The following SH3RF3 variants were observed in gnomAD, a reference collection of about 807,000 sequenced individuals.
The protein encoded by SH3RF3 is SH3 domain containing ring finger 3.
Under a neutral mutation model 66.3 loss-of-function variants are expected in SH3RF3, and 29 were observed. That is an observed-to-expected ratio of 0.44 (90% CI 0.33 to 0.60). The LOEUF (loss-of-function observed/expected upper bound fraction) is 0.60. SH3RF3 is among the 20% of genes least tolerant of loss of function. SH3RF3 has a pLI of 0.04. For synonymous variants in SH3RF3, 583 were observed against 532.0 expected (o/e 1.10, Z -1.32); for missense variants, 1,194 against 1,190.9 (o/e 1.00, Z -0.04).
chr2:109,298,094 C>T (rs962392044), intron 1 of SH3RF3, among the ~76,000 whole-genome samples: 1 of 152,194 alleles, frequency 6.6e-6, no homozygotes, highest in Non-Finnish European at 1.5e-5. Context: ...CCCACTCAAA[C>T]CTGCTTCTCA....
At chr2:109,202,437 T>G (rs1297604728) in intron 1 of SH3RF3, among the ~76,000 whole-genome samples, 1 of 152,256 alleles carries the variant, frequency 6.6e-6, no homozygotes, top group African/African-American at 2.4e-5. Context: ...AATTACTAAA[T>G]GTAGTACAAT....
intron 1 of SH3RF3, among the ~76,000 whole-genome samples, chr2:109,216,204 C>G (rs938698120): frequency 2.6e-5 from 4 of 152,202 alleles, no homozygotes; most frequent in Admixed American, 1.3e-4. Context: ...ACCTGCCCAT[C>G]ATTGCATCTA....
At chr2:109,311,569 G>A (rs949640723) in intron 1 of SH3RF3, among the ~76,000 whole-genome samples, 6 of 152,154 alleles carry the variant, frequency 3.9e-5, no homozygotes, top group African/African-American at 7.2e-5. Flanking sequence ...GTTTGCAGAC[G>A]ACATGATTGT....
chr2:109,398,735 G>A lies in SH3RF3; in HGVS notation c.1091G>A (p.Ser364Asn), dbSNP rs771293090. The change falls in exon 4 of 10, where the codon AGT becomes AAT. Residue 364 changes from serine to asparagine, a missense_variant. Transcript: ENST00000309415. Reference sequence around the variant, plus strand: ...ACTTTAAGCAGCTCAGGGGCGGTCAGTGCCTTTCAGCGGCGTGTGGATGGC... The same window carrying A: ...ACTTTAAGCAGCTCAGGGGCGGTCAATGCCTTTCAGCGGCGTGTGGATGGC... Reference protein sequence around the residue: ...SPTLSSSGAVSAFQRRVDGKK... With the variant: ...SPTLSSSGAVNAFQRRVDGKK... The A allele has an allele frequency of 6.2e-7, 1 of 1,613,320 alleles. No individual in the cohort carries two copies. Among genetic ancestry groups the A allele is most frequent in the East Asian group, 2.2e-5 (1 of 44,874 alleles).
intron 4 of SH3RF3, among the ~76,000 whole-genome samples, chr2:109,418,618 C>A (rs1385607284): frequency 6.6e-6 from 1 of 152,180 alleles, no homozygotes; most frequent in East Asian, 1.9e-4. Flanking sequence ...GGTGCCCACT[C>A]TAATCAAGGA....
chr2:109,304,565 G>A (rs545418198), intron 1 of SH3RF3, among the ~76,000 whole-genome samples: 2 of 152,168 alleles, frequency 1.3e-5, no homozygotes, highest in Non-Finnish European at 2.9e-5. Context: ...GGTTAACTCC[G>A]CTGCACCCGT....
intron 1 of SH3RF3, among the ~76,000 whole-genome samples, chr2:109,130,482 C>T (rs1323294345): frequency 6.6e-6 from 1 of 152,230 alleles, no homozygotes; most frequent in African/African-American, 2.4e-5. Context: ...ACACCCTGGG[C>T]CTGCCTAGAG....
chr2:109,203,311 G>A (rs559924133), intron 1 of SH3RF3, among the ~76,000 whole-genome samples: 2 of 152,352 alleles, frequency 1.3e-5, no homozygotes, highest in Admixed American at 6.5e-5. Flanking sequence ...TCAGGTGGAC[G>A]CAGCAGACAG....
chr2:109,385,563 C>T (rs181174812), intron 3 of SH3RF3, among the ~76,000 whole-genome samples: 40 of 152,330 alleles, frequency 2.6e-4, no homozygotes, highest in African/African-American at 9.4e-4. Context: ...CTTGAACTGT[C>T]CAGGGCAAAG....
rs138793296 is a variant in SH3RF3 at position 109,145,482 on chromosome 2, G to A, written c.573+15369G>A. On this transcript the variant is annotated intron_variant, in intron 1 of 9. Transcript: ENST00000309415. ...GTCTGTCTGTCCGTGAGGGAATGCC[G>A]CCTCCTTTCTCATCTGTGGGAGGCT... is the stretch of plus-strand genomic sequence containing the variant. Among the ~76,000 whole-genome samples, 475 of 152,262 alleles carry A rather than the reference G, an allele frequency of 3.1e-3. 2 individuals carry two copies. The highest frequency in any genetic ancestry group is 5.8e-3 in the Non-Finnish European group (397 of 68,024).
At chr2:109,437,288 A>G in intron 7 of SH3RF3, 142 bp downstream of exon 7, 2 of 1,350,900 alleles carry the variant, frequency 1.5e-6, no homozygotes, top group Non-Finnish European at 2.0e-6. Flanking sequence ...AAACTTAAGG[A>G]AAACCGGTTT....
At chr2:109,181,111 A>G (rs1224533294) in intron 1 of SH3RF3, among the ~76,000 whole-genome samples, 1 of 152,166 alleles carries the variant, frequency 6.6e-6, no homozygotes, top group Non-Finnish European at 1.5e-5. Context: ...TGGTGAGGAG[A>G]AGTGATGGCT....
chr2:109,474,517 C>T lies in SH3RF3; in HGVS notation c.2149-16088C>T, dbSNP rs564289594. On this transcript the variant is annotated intron_variant, in intron 8 of 9. Coordinates refer to ENST00000309415, the MANE Select transcript of SH3RF3 (RefSeq NM_001099289.3). Reference sequence around the variant, plus strand: ...ACAGGCGGCAGCAGTGGGAGGCCCTCAGTTGGCCTGAGGCTGGGATTACAG... The same window carrying T: ...ACAGGCGGCAGCAGTGGGAGGCCCTTAGTTGGCCTGAGGCTGGGATTACAG... 5.3e-5 allele frequency among the ~76,000 whole-genome samples: 8 copies of T among 152,320 alleles called. No individual in the cohort carries two copies. The South Asian group carries it at 1.7e-3, about 32-fold the overall frequency.
At chr2:109,411,743 G>T (rs1398954890) in intron 4 of SH3RF3, among the ~76,000 whole-genome samples, 1 of 152,178 alleles carries the variant, frequency 6.6e-6, no homozygotes, top group Non-Finnish European at 1.5e-5. Context: ...CGGGAGCCAC[G>T]CTCAGCCATG....
intron 2 of SH3RF3, 81 bp downstream of exon 2, chr2:109,348,030 A>G (rs1487848850): frequency 4.7e-6 from 7 of 1,490,008 alleles, no homozygotes; most frequent in South Asian, 1.3e-5. Flanking sequence ...ACAGACCTAT[A>G]GCCAGACAGT....
At chr2:109,270,857 C>T (rs1680609032) in intron 1 of SH3RF3, among the ~76,000 whole-genome samples, 2 of 152,188 alleles carry the variant, frequency 1.3e-5, no homozygotes, top group South Asian at 4.1e-4. Context: ...GATGGAGTGG[C>T]CAGGGAACCT....
intron 1 of SH3RF3, among the ~76,000 whole-genome samples, chr2:109,248,795 CTG>C (rs1047068689): frequency 6.7e-6 from 1 of 150,130 alleles, no homozygotes; most frequent in Non-Finnish European, 1.5e-5. Context: ...CTTTCTCTTT[CTG>C]TCTCTCTTTC....
Position 109,491,737 on chromosome 2 carries a change from A to G in SH3RF3, c.2480+801A>G, listed in dbSNP as rs185241411. Among the ~76,000 whole-genome samples, 420 of 152,314 alleles carry G rather than the reference A, an allele frequency of 2.8e-3. 2 individuals carry two copies. The highest frequency in any genetic ancestry group is 4.8e-3 in the Non-Finnish European group (325 of 68,040). The stretch of plus-strand genomic sequence containing the variant: ...GCTGTCAGGTTAGGATGGTAGAAAG[A>G]TATGATCCTTACTGAGTGCCTACAC... On this transcript the variant is annotated intron_variant, in intron 9 of 9. Coordinates refer to ENST00000309415, the MANE Select transcript of SH3RF3 (RefSeq NM_001099289.3).
intron 1 of SH3RF3, among the ~76,000 whole-genome samples, chr2:109,339,603 G>C (rs964054013): frequency 1.3e-5 from 2 of 152,200 alleles, no homozygotes; most frequent in African/African-American, 4.8e-5. Flanking sequence ...TGGGGCTGCA[G>C]GGGTTGCCGG....
Sources: gnomAD v4.1 joint callset for allele counts (sites outside exome capture counted in the v4.1 genomes callset) on GRCh38, gnomAD v4.1.1 for gene constraint, MANE v1.5 for transcripts, NCBI Gene and HGNC (gene_info 2026-07-23, HGNC 2026-07-21) for gene names.